MAN2A2: variants seen among roughly 807,000 people sequenced by gnomAD.
MAN2A2 encodes the protein mannosidase alpha class 2A member 2, also known as alpha-mannosidase 2x.
A neutral mutation model predicts 126.8 loss-of-function variants in MAN2A2; 79 were observed. The observed-to-expected ratio is 0.62, with a 90% CI of 0.52 to 0.75. MAN2A2 has a LOEUF of 0.75. MAN2A2 is among the 30% of genes least tolerant of loss of function. The probability of loss-of-function intolerance (pLI) is 0.00; values close to 1 mark genes in which losing one functional copy is unlikely to be tolerated. For synonymous variants in MAN2A2, 671 were observed against 618.7 expected (o/e 1.08, Z -1.25); for missense variants, 1,392 against 1,522.4 (o/e 0.91, Z 1.43).
intron 22 of MAN2A2, among the ~76,000 whole-genome samples, chr15:90,919,330 C>T (rs772502505): frequency 6.6e-6 from 1 of 152,238 alleles, no homozygotes; most frequent in Non-Finnish European, 1.5e-5. Flanking sequence ...ACCCCCGCCT[C>T]CTGGTTCAAG....
At chr15:90,905,548 C>A in intron 3 of MAN2A2, 31 bp from the exon 4 acceptor site, 3 of 1,614,144 alleles carry the variant, frequency 1.9e-6, no homozygotes, top group Non-Finnish European at 2.5e-6. Flanking sequence ...GTGGCCACGA[C>A]TGGGGTACTG....
In MAN2A2 at chr15:90,904,981, C is replaced by T. The variant is rs146418155; in HGVS notation, c.133-270C>T. 1.6e-3 allele frequency among the ~76,000 whole-genome samples: 249 copies of T among 152,262 alleles called. 2 individuals carry two copies. The highest frequency in any genetic ancestry group is 0.012 in the Admixed American group (187 of 15,284). On this transcript the variant is annotated intron_variant, in intron 2 of 22. Transcript: ENST00000559717. ...CTGAAATCCTCAGCACAGGCAACACCGATTGTTGAGAATAGGTAGGTGAAA... is the reference window on the plus strand; with the variant it reads ...CTGAAATCCTCAGCACAGGCAACACTGATTGTTGAGAATAGGTAGGTGAAA...
In MAN2A2 at chr15:90,906,117, G is replaced by T. The variant is rs2034262332; in HGVS notation, c.707+101G>T. ...ATGGGTGCCAAGGTGGCAGGGAGAG[G>T]CCCAGAGAGCTGTGGAAGAGATGAG... is the stretch of plus-strand genomic sequence containing the variant. On this transcript the variant is annotated intron_variant, in intron 5 of 22. Transcript: ENST00000559717. The T allele has an allele frequency of 3.3e-6, 5 of 1,508,358 alleles. No individual in the cohort carries two copies. The African/African-American group carries it at 5.5e-5, about 17-fold the overall frequency. The allele number at this position is 1,508,358 out of a possible 1,614,324, so 93.4% of individuals were successfully genotyped here. A position where few individuals can be genotyped will look rare whatever the true frequency, so the allele number is the denominator to read the frequency against.
At chr15:90,906,565 A>C in intron 6 of MAN2A2, 68 bp downstream of exon 6, 1 of 1,611,166 alleles carries the variant, frequency 6.2e-7, no homozygotes, top group South Asian at 1.1e-5. Flanking sequence ...GCTGTAAGGC[A>C]CAGGGATCGG....
At chr15:90,904,146 G>C in intron 1 of MAN2A2, 44 bp from the exon 2 acceptor site, 1 of 1,610,630 alleles carries the variant, frequency 6.2e-7, no homozygotes, top group South Asian at 1.1e-5. Flanking sequence ...GACTGCCACG[G>C]GCATTTTGCA....
intron 15 of MAN2A2, 91 bp from the exon 16 acceptor site, chr15:90,912,451 G>T: frequency 6.3e-7 from 1 of 1,593,810 alleles, no homozygotes; most frequent in South Asian, 1.1e-5. Context: ...AGCAGGGCAC[G>T]GCTCCTTGGG....
At position 90,909,605 on chromosome 15, in the gene MAN2A2, CTTT is replaced by C. The variant is rs147151470; in HGVS notation, c.1374+115_1374+117del. 3,722 of 840,126 alleles carry C rather than the reference CTTT, an allele frequency of 4.4e-3. 2 individuals carry two copies. The highest frequency in any genetic ancestry group is 8.5e-3 in the East Asian group (259 of 30,302). The allele number at this position is 840,126 out of a possible 1,614,324, so 52.0% of individuals were successfully genotyped here. Reference sequence around the variant, plus strand: ...TTCCCAACTCGGGCAGGGTGCCCCCCTTTTTTTTTTTTTTTTGAGATGGAGTCT... The same window carrying C: ...TTCCCAACTCGGGCAGGGTGCCCCCCTTTTTTTTTTTTTGAGATGGAGTCT... On this transcript the variant is annotated intron_variant, in intron 9 of 22. Transcript: ENST00000559717.
Position 90,912,132 on chromosome 15 carries a change from T to C in MAN2A2, c.2199T>C (p.Ser733=). The C allele has an allele frequency of 1.2e-6, 2 of 1,613,840 alleles. No homozygotes were observed. The highest frequency in any genetic ancestry group is 1.1e-5 in the South Asian group (1 of 91,086). Reference sequence around the variant, plus strand: ...ATGGGCACCGCACGCTGCCCTCCTCTGTGCGCATCTACCTGCACGGCCGGC... The same window carrying C: ...ATGGGCACCGCACGCTGCCCTCCTCCGTGCGCATCTACCTGCACGGCCGGC... ...GLDGHRTLPS[S]VRIYLHGRQL... The change falls in exon 15 of 23, where the codon TCT becomes TCC. Residue 733 remains serine (S), a synonymous_variant. Transcript: ENST00000559717.
At chr15:90,918,530 C>T in intron 21 of MAN2A2, 115 bp from the exon 22 acceptor site, 2 of 1,227,304 alleles carry the variant, frequency 1.6e-6, no homozygotes, top group South Asian at 2.8e-5. Flanking sequence ...AGGTTTTGGC[C>T]TTTCCTTACC....
At chr15:90,906,270 T>C in intron 5 of MAN2A2, 100 bp from the exon 6 acceptor site, 7 of 1,494,504 alleles carry the variant, frequency 4.7e-6, no homozygotes, top group Non-Finnish European at 6.4e-6. Context: ...TTGGGAGAAC[T>C]GGTCCAGTGA....
At chr15:90,913,244 C>G (rs2034903594) in intron 17 of MAN2A2, 29 bp from the exon 18 acceptor site, 2 of 1,611,324 alleles carry the variant, frequency 1.2e-6, no homozygotes, top group Non-Finnish European at 1.7e-6. Flanking sequence ...TCACACCTGT[C>G]CATGCCCCCA....
At chr15:90,906,104 G>T (rs2034260957) in intron 5 of MAN2A2, 88 bp downstream of exon 5, 1 of 1,559,472 alleles carries the variant, frequency 6.4e-7, no homozygotes, top group African/African-American at 1.4e-5. Context: ...GGGTGCCAAG[G>T]TGGCAGGGAG....
rs11630752 is a variant in MAN2A2, at chr15:90,906,580, G to A, written c.835+83G>A. On this transcript the variant is annotated intron_variant, in intron 6 of 22. Coordinates refer to ENST00000559717, the MANE Select transcript of MAN2A2 (RefSeq NM_006122.4). ...GCTGTAAGGCACAGGGATCGGCAGG[G>A]GGTGGTTCCTTTCTAGGCAGATCCC... is the stretch of plus-strand genomic sequence containing the variant. 23,494 of 1,603,926 alleles carry A rather than the reference G, an allele frequency of 0.015. 257 individuals carry two copies. Among genetic ancestry groups the A allele is most frequent in the Non-Finnish European group, 0.016 (18,673 of 1,173,870 alleles).
At chr15:90,906,998 G>A (rs1310099981) in intron 7 of MAN2A2, 85 bp downstream of exon 7, 2 of 1,509,402 alleles carry the variant, frequency 1.3e-6, no homozygotes, top group Admixed American at 3.4e-5. Context: ...GACCCCCACT[G>A]TTCTTCAGAG....
At chr15:90,903,153 G>A (rs1171644497), upstream of MAN2A2, 1 of 152,314 alleles carries the variant, frequency 6.6e-6, no homozygotes, top group Non-Finnish European at 1.5e-5. Context: ...AAGTCGGAGC[G>A]GGTGGGGAGG....
At chr15:90,916,101 C>T (rs2035155224) in intron 19 of MAN2A2, 22 bp from the exon 20 acceptor site, 5 of 1,612,914 alleles carry the variant, frequency 3.1e-6, no homozygotes, top group East Asian at 2.2e-5. Context: ...GGCGGGCCAG[C>T]ACTCACTGTT....
chr15:90,916,312 C>G (rs2035175621), intron 20 of MAN2A2, 56 bp downstream of exon 20: 2 of 1,584,556 alleles, frequency 1.3e-6, no homozygotes, highest in Admixed American at 3.5e-5. Context: ...CTGGGGGTGG[C>G]CGGGGGGTCC....
intron 14 of MAN2A2, 58 bp downstream of exon 14, chr15:90,911,608 G>A (rs893228614): frequency 1.7e-5 from 25 of 1,509,470 alleles, no homozygotes; most frequent in Middle Eastern, 2.3e-4. Flanking sequence ...GCCCCTCCCC[G>A]CCCGGCGACG....
At chr15:90,906,056 AG>A (rs774023134) in intron 5 of MAN2A2, 40 bp downstream of exon 5, 1 of 1,611,724 alleles carries the variant, frequency 6.2e-7, no homozygotes, top group Non-Finnish European at 8.5e-7. Flanking sequence ...GCATTGTCTG[AG>A]CCCCAGGCTG....
Sources: gnomAD v4.1 joint callset for allele counts (sites outside exome capture counted in the v4.1 genomes callset) on GRCh38, gnomAD v4.1.1 for gene constraint, MANE v1.5 for transcripts, NCBI Gene and HGNC (gene_info 2026-07-23, HGNC 2026-07-21) for gene names.